HORMAD2: variants seen among roughly 807,000 people sequenced by gnomAD.
The protein encoded by HORMAD2 is HORMA domain-containing protein 2.
HORMAD2 carries 45 observed loss-of-function variants against 38.8 expected under a neutral mutation model. The observed-to-expected ratio is 1.16, with a 90% CI of 0.91 to 1.49. The LOEUF is 1.49. Ranked by LOEUF, HORMAD2 falls within the 40% of genes most tolerant of loss-of-function variation. The probability of loss-of-function intolerance (pLI) is 0.00; values close to 1 mark genes in which losing one functional copy is unlikely to be tolerated. For synonymous variants in HORMAD2, 126 were observed against 122.8 expected, an observed-to-expected ratio of 1.03 and a Z score of -0.17; for missense variants, 338 against 367.0, an observed-to-expected ratio of 0.92 and a Z score of 0.65.
chr22:30,115,407 C>A (rs188721653), intron 7 of HORMAD2, among the ~76,000 whole-genome samples: 1 of 152,260 alleles, frequency 6.6e-6, no homozygotes, highest in Non-Finnish European at 1.5e-5. Flanking sequence ...TGCACTTGGC[C>A]AACACTCACC....
intron 7 of HORMAD2, among the ~76,000 whole-genome samples, chr22:30,113,271 A>G (rs1921799229): frequency 6.6e-6 from 1 of 150,710 alleles, no homozygotes; most frequent in African/African-American, 2.4e-5. Context: ...TTTTAGATGG[A>G]GTCTCGCTCT....
At chr22:30,127,188 A>C (rs751653484) in intron 10 of HORMAD2, among the ~76,000 whole-genome samples, 1 of 147,588 alleles carries the variant, frequency 6.8e-6, no homozygotes, top group South Asian at 2.1e-4. Context: ...GGTGTTTTAT[A>C]AACAGAAGTT....
intron 10 of HORMAD2, among the ~76,000 whole-genome samples, chr22:30,126,992 G>A (rs1219190378): frequency 6.6e-6 from 1 of 151,914 alleles, no homozygotes; most frequent in Non-Finnish European, 1.5e-5. Flanking sequence ...TGGCCATGTT[G>A]AATATTTTCT....
At chr22:30,179,668 G>A (rs939405881), downstream of HORMAD2, among the ~76,000 whole-genome samples, 1 of 152,146 alleles carries the variant, frequency 6.6e-6, no homozygotes, top group Non-Finnish European at 1.5e-5. Flanking sequence ...TCTTACAGTA[G>A]GTGGTGGCTC....
chr22:30,193,196 C>G, the HORMAD2 span, among the ~76,000 whole-genome samples: 1 of 152,066 alleles, frequency 6.6e-6, no homozygotes, highest in Non-Finnish European at 1.5e-5. Context: ...GAGACCGAGG[C>G]CTTTTAGTTT....
the HORMAD2 span, among the ~76,000 whole-genome samples, chr22:30,190,215 C>T: frequency 1.3e-5 from 2 of 152,158 alleles, no homozygotes; most frequent in East Asian, 3.8e-4. Context: ...CTTCTCGCCC[C>T]TCAACCCTCT....
At chr22:30,171,856 A>T (rs528286247) in intron 10 of HORMAD2, among the ~76,000 whole-genome samples, 7 of 152,186 alleles carry the variant, frequency 4.6e-5, no homozygotes, top group African/African-American at 1.7e-4. Context: ...GCAAAAAGGG[A>T]AGGCAATGGA....
chr22:30,147,100 G>A (rs1924464453), intron 10 of HORMAD2, among the ~76,000 whole-genome samples: 1 of 152,184 alleles, frequency 6.6e-6, no homozygotes, highest in African/African-American at 2.4e-5. Flanking sequence ...CAAGTGAGAT[G>A]TTAATTTTCC....
At chr22:30,180,240 C>T (rs1378481748), downstream of HORMAD2, among the ~76,000 whole-genome samples, 4 of 152,096 alleles carry the variant, frequency 2.6e-5, no homozygotes, top group Admixed American at 2.0e-4. Context: ...TTCAGCAGTG[C>T]ATGGGTTTTT....
chr22:30,103,732 G>A (rs924503715), intron 4 of HORMAD2, among the ~76,000 whole-genome samples: 5 of 122,728 alleles, frequency 4.1e-5, no homozygotes, highest in African/African-American at 1.3e-4. Flanking sequence ...GCGCAATCTC[G>A]GCTCACTGCA....
intron 10 of HORMAD2, among the ~76,000 whole-genome samples, chr22:30,156,779 C>T (rs1601583925): frequency 6.6e-6 from 1 of 152,188 alleles, no homozygotes; most frequent in African/African-American, 2.4e-5. Flanking sequence ...ATAATCTTTT[C>T]ACAGCAATAA....
chr22:30,079,509 T>C (rs182096024), upstream of HORMAD2, among the ~76,000 whole-genome samples: 1,869 of 151,824 alleles, frequency 0.012, 23 homozygotes, highest in Middle Eastern at 0.02. Flanking sequence ...CTTTCTTTTC[T>C]TTTTTTTTAT....
At chr22:30,146,594 T>C (rs936612952) in intron 10 of HORMAD2, among the ~76,000 whole-genome samples, 7 of 152,042 alleles carry the variant, frequency 4.6e-5, no homozygotes, top group African/African-American at 1.7e-4. Flanking sequence ...AACCTAAAGG[T>C]GACATTATAC....
intron 10 of HORMAD2, among the ~76,000 whole-genome samples, chr22:30,124,934 T>A (rs1408492438): frequency 6.6e-6 from 1 of 152,052 alleles, no homozygotes; most frequent in Non-Finnish European, 1.5e-5. Context: ...ATTGTCAGGG[T>A]TTATGTTTCC....
At chr22:30,204,041 A>C in the HORMAD2 span, among the ~76,000 whole-genome samples, 2 of 152,166 alleles carry the variant, frequency 1.3e-5, no homozygotes, top group African/African-American at 4.8e-5. Flanking sequence ...CCCATGCCCT[A>C]TACTTGGGTG....
the HORMAD2 span, among the ~76,000 whole-genome samples, chr22:30,205,585 G>A: frequency 6.6e-6 from 1 of 152,180 alleles, no homozygotes; most frequent in Non-Finnish European, 1.5e-5. Flanking sequence ...CCCTTGGGAA[G>A]ACAGCTGGAA....
chr22:30,146,157 A>G (rs1168010830), intron 10 of HORMAD2, among the ~76,000 whole-genome samples: 3 of 152,216 alleles, frequency 2.0e-5, no homozygotes, highest in Non-Finnish European at 4.4e-5. Context: ...ATGCAGAAAA[A>G]AAGTATTCAA....
At chr22:30,127,093 G>T (rs1397510790) in intron 10 of HORMAD2, among the ~76,000 whole-genome samples, 6 of 150,626 alleles carry the variant, frequency 4.0e-5, no homozygotes, top group Non-Finnish European at 8.8e-5. Flanking sequence ...TAGGAGCTCT[G>T]CATATATATT....
chr22:30,089,357 T>TC (rs201742937), intron 1 of HORMAD2, among the ~76,000 whole-genome samples: 11,987 of 147,592 alleles, frequency 0.081, 547 homozygotes, highest in South Asian at 0.13. Flanking sequence ...TGCTGCTTCT[T>TC]TTTTTTTTTT....
Sources: allele counts gnomAD v4.1 joint callset (sites outside exome capture counted in the v4.1 genomes callset), GRCh38; gene constraint gnomAD v4.1.1; transcripts MANE v1.5; gene names NCBI Gene and HGNC (gene_info 2026-07-23, HGNC 2026-07-21).